Variants in APP observed in about 807,000 individuals in gnomAD.
The protein encoded by APP is amyloid beta precursor protein.
Under a neutral mutation model 101.4 loss-of-function variants are expected in APP, and 31 were observed. The ratio of observed to expected loss-of-function variants is 0.31; its 90% CI spans 0.23 to 0.41. The LOEUF (loss-of-function observed/expected upper bound fraction) is 0.41. Among genes scored for constraint, APP ranks in the 10% least tolerant of loss-of-function variants. The pLI is 1.00. For synonymous variants in APP, 366 were observed against 364.4 expected (o/e 1.00, Z -0.05); for missense variants, 839 against 1,003.7 (o/e 0.84, Z 2.22).
intron 8 of APP, among the ~76,000 whole-genome samples, chr21:25,985,136 T>C (rs564717458): frequency 1.3e-5 from 2 of 152,368 alleles, no homozygotes; most frequent in South Asian, 4.1e-4. Context: ...ATGTGAGGTA[T>C]GTTTAATAGG....
At chr21:26,082,326 C>CA (rs1233076620) in intron 3 of APP, among the ~76,000 whole-genome samples, 5 of 152,034 alleles carry the variant, frequency 3.3e-5, no homozygotes, top group African/African-American at 1.2e-4. Flanking sequence ...GCACTGCTGT[C>CA]AAAAAACTCT....
chr21:25,903,318 G>A (rs1307843621), intron 15 of APP, among the ~76,000 whole-genome samples: 1 of 146,036 alleles, frequency 6.8e-6, no homozygotes, highest in Admixed American at 7.0e-5. Context: ...GCAGTGAGTT[G>A]AGATCGTGCC....
intron 5 of APP, among the ~76,000 whole-genome samples, chr21:26,032,745 T>C (rs1160203750): frequency 2.0e-5 from 3 of 151,654 alleles, no homozygotes; most frequent in Non-Finnish European, 4.4e-5. Context: ...GGTATAAAAA[T>C]ATCATTTGTT....
chr21:26,066,562 T>G (rs1371966437), intron 3 of APP, among the ~76,000 whole-genome samples: 1 of 151,914 alleles, frequency 6.6e-6, no homozygotes, highest in Non-Finnish European at 1.5e-5. Flanking sequence ...TTTTTGAATT[T>G]GACTCTTCAA....
chr21:26,154,744 AC>A (rs1279962062), intron 1 of APP, among the ~76,000 whole-genome samples: 2 of 152,176 alleles, frequency 1.3e-5, no homozygotes, highest in African/African-American at 4.8e-5. Flanking sequence ...ATTTTGAACA[AC>A]TCAACATCTC....
chr21:25,960,685 C>T (rs117646607), intron 11 of APP, among the ~76,000 whole-genome samples: 5 of 152,216 alleles, frequency 3.3e-5, no homozygotes, highest in African/African-American at 9.6e-5. Context: ...CCTGGGAAAC[C>T]CCTTCACTGT....
At chr21:26,065,289 C>T (rs938300304) in intron 3 of APP, among the ~76,000 whole-genome samples, 4 of 152,136 alleles carry the variant, frequency 2.6e-5, no homozygotes, top group African/African-American at 9.7e-5. Context: ...TTTGATTCCA[C>T]ATCAACATTC....
intron 2 of APP, among the ~76,000 whole-genome samples, chr21:26,094,501 T>C (rs969175814): frequency 1.3e-5 from 2 of 151,554 alleles, no homozygotes; most frequent in Middle Eastern, 3.2e-3. Context: ...TTTTATTAAA[T>C]AACCCCAGTA....
At chr21:26,109,959 A>C (rs1334984483) in intron 2 of APP, among the ~76,000 whole-genome samples, 1 of 152,230 alleles carries the variant, frequency 6.6e-6, no homozygotes, top group African/African-American at 2.4e-5. Context: ...GGTATCAAAA[A>C]CATATAAGTA....
At chr21:25,932,308 G>A (rs894077895) in intron 13 of APP, among the ~76,000 whole-genome samples, 6 of 151,986 alleles carry the variant, frequency 3.9e-5, no homozygotes, top group Non-Finnish European at 7.4e-5. Flanking sequence ...TTTTAGATAC[G>A]TACTCCATGC....
At chr21:25,957,210 T>C (rs1448101027) in intron 11 of APP, among the ~76,000 whole-genome samples, 1 of 152,220 alleles carries the variant, frequency 6.6e-6, no homozygotes, top group Non-Finnish European at 1.5e-5. Context: ...TGGCAACTTA[T>C]TACAACTCTC....
intron 1 of APP, among the ~76,000 whole-genome samples, chr21:26,167,085 A>G (rs1482264526): frequency 6.6e-6 from 1 of 152,254 alleles, no homozygotes; most frequent in East Asian, 1.9e-4. Flanking sequence ...CTCCAGGATT[A>G]TCTATGATCT....
intron 13 of APP, among the ~76,000 whole-genome samples, chr21:25,951,655 G>C (rs2041080817): frequency 6.6e-6 from 1 of 152,026 alleles, no homozygotes; most frequent in Non-Finnish European, 1.5e-5. Context: ...TTTAATCAGA[G>C]AATATTAGAA....
intron 2 of APP, among the ~76,000 whole-genome samples, chr21:26,103,911 G>T (rs1164383290): frequency 6.6e-6 from 1 of 152,204 alleles, no homozygotes; most frequent in Non-Finnish European, 1.5e-5. Flanking sequence ...GTAGGTCTTT[G>T]TCTTAGCTCA....
At chr21:26,043,629 T>G (rs1222843101) in intron 5 of APP, among the ~76,000 whole-genome samples, 1 of 152,254 alleles carries the variant, frequency 6.6e-6, no homozygotes, top group Non-Finnish European at 1.5e-5. Flanking sequence ...AATGCCAATG[T>G]GATTCAACTC....
rs530514148 is a variant in APP at position 26,086,346 on chromosome 21, C to T, written c.355+3597G>A. On this transcript the variant is annotated intron_variant, in intron 3 of 17. Transcript: ENST00000346798. Reference sequence around the variant, plus strand: ...GAAGAAAGTGGCAACAGCAACCTGACATACTTTCCCCATGCAGACAAGAAA... The same window carrying T: ...GAAGAAAGTGGCAACAGCAACCTGATATACTTTCCCCATGCAGACAAGAAA... Among the ~76,000 whole-genome samples, 22 of 152,274 alleles carry T rather than the reference C, an allele frequency of 1.4e-4. 1 individual carries two copies. In the South Asian group the frequency reaches 3.7e-3, roughly 26 times the overall value.
At chr21:26,134,888 G>A (rs1396526972) in intron 1 of APP, among the ~76,000 whole-genome samples, 2 of 152,162 alleles carry the variant, frequency 1.3e-5, no homozygotes, top group Admixed American at 1.3e-4. Context: ...AGTATCACAT[G>A]ACCATTTTCT....
chr21:25,905,513 ACT>A (rs1433626799), intron 14 of APP, among the ~76,000 whole-genome samples: 2 of 152,204 alleles, frequency 1.3e-5, no homozygotes, highest in Admixed American at 6.5e-5. Context: ...CTACAAAAGG[ACT>A]CTGTTAAATT....
chr21:25,988,702 CAAAAAA>C (rs537417600), intron 8 of APP, among the ~76,000 whole-genome samples: 18 of 62,364 alleles, frequency 2.9e-4, no homozygotes, highest in African/African-American at 4.5e-4. Flanking sequence ...AACTCTGTCT[CAAAAAA>C]AAAAAAAAAA....
Sources: gnomAD v4.1 joint callset for allele counts (sites outside exome capture counted in the v4.1 genomes callset) on GRCh38, gnomAD v4.1.1 for gene constraint, MANE v1.5 for transcripts, NCBI Gene and HGNC (gene_info 2026-07-23, HGNC 2026-07-21) for gene names.